LRP6: variants seen among roughly 807,000 people sequenced by gnomAD.
LRP6 encodes LDL receptor related protein 6, also known as low-density lipoprotein receptor-related protein 6.
In LRP6, 43 loss-of-function variants were observed where a neutral mutation model predicts 184.1. The observed-to-expected ratio is 0.23, with a 90% CI of 0.18 to 0.30. The LOEUF is 0.30. LRP6 is among the 10% of genes least tolerant of loss of function. The pLI is 1.00. For missense variants in LRP6, 1,571 were observed against 2,005.3 expected (o/e 0.78, Z 4.14); for synonymous variants, 719 against 684.9 (o/e 1.05, Z -0.78).
Position 12,168,370 on chromosome 12 carries a change from A to G in LRP6, c.1546-3075T>C, listed in dbSNP as rs76069029. 5.3e-3 allele frequency among the ~76,000 whole-genome samples: 807 copies of G among 152,350 alleles called. 7 individuals are homozygous for G. The highest frequency in any genetic ancestry group is 0.018 in the African/African-American group (755 of 41,576). ...AGAATTAGAATTTTGACAAAGAAAA[A>G]GAGAAACAGATTTTCTAGAAAAAAA... is the stretch of plus-strand genomic sequence containing the variant. On this transcript the variant is annotated intron_variant, in intron 7 of 22. Transcript: ENST00000261349.
At chr12:12,152,404 A>G (rs1338234108) in intron 12 of LRP6, among the ~76,000 whole-genome samples, 1 of 152,128 alleles carries the variant, frequency 6.6e-6, no homozygotes, top group East Asian at 1.9e-4. Flanking sequence ...CTCCTGCCTC[A>G]GCCTCCCAAG....
At chr12:12,218,469 CCT>C (rs763867684) in intron 2 of LRP6, among the ~76,000 whole-genome samples, 4 of 129,710 alleles carry the variant, frequency 3.1e-5, no homozygotes, top group Non-Finnish European at 6.4e-5. Context: ...AGACCAAGAC[CCT>C]CTCTCAATAA....
At position 12,259,166 on chromosome 12, in the gene LRP6, G is replaced by A. The variant is rs539551734; in HGVS notation, c.55+7515C>T. Among the ~76,000 whole-genome samples the A allele has an allele frequency of 1.7e-4, 25 of 150,176 alleles. 1 individual carries two copies. Among genetic ancestry groups the A allele is most frequent in the African/African-American group, 5.9e-4 (24 of 40,796 alleles). ...TAATCCCAGCTACTTGGGAGGCTGA[G>A]ACAGGAGAATCACTTGAACCCAGGA... On this transcript the variant is annotated intron_variant, in intron 1 of 22. Transcript: ENST00000261349.
rs377329410 is a variant in LRP6 at position 12,226,433 on chromosome 12, CG to C, written c.449+17828del. Among the ~76,000 whole-genome samples, 13 of 151,996 alleles carry C rather than the reference CG, an allele frequency of 8.6e-5. No homozygotes were observed. The East Asian group carries it at 2.5e-3, about 29-fold the overall frequency. On this transcript the variant is annotated intron_variant, in intron 2 of 22. Coordinates refer to ENST00000261349, the MANE Select transcript of LRP6 (RefSeq NM_002336.3). ...ATGATTCATATGCTAAGGATGCTAA[CG>C]GGAAAAAACAGACAACATGGAAGAA...
chr12:12,171,742 T>C (rs988565143), intron 7 of LRP6, among the ~76,000 whole-genome samples: 2 of 152,182 alleles, frequency 1.3e-5, no homozygotes, highest in African/African-American at 4.8e-5. Context: ...TTTCCTTCCA[T>C]TACTTTTGTA....
At chr12:12,245,410 C>T (rs999804504) in intron 1 of LRP6, among the ~76,000 whole-genome samples, 3 of 152,044 alleles carry the variant, frequency 2.0e-5, no homozygotes, top group Non-Finnish European at 4.4e-5. Flanking sequence ...CAATGGCTGT[C>T]TCAAAATAGG....
Position 12,168,254 on chromosome 12 carries a change from C to T in LRP6, c.1546-2959G>A, listed in dbSNP as rs553850448. Among the ~76,000 whole-genome samples, 13 of 151,912 alleles carry T rather than the reference C, an allele frequency of 8.6e-5. No homozygotes were observed. In the South Asian group the frequency reaches 1.2e-3, roughly 15 times the overall value. On this transcript the variant is annotated intron_variant, in intron 7 of 22. Transcript: ENST00000261349. ...ATTACAATCTAATTGGGGAGGTAAA[C>T]GATATTTACATTAAAATTACACACA... is the stretch of plus-strand genomic sequence containing the variant.
rs754644371 is a variant in LRP6 at position 12,181,152 on chromosome 12, T to C, written c.1264A>G (p.Thr422Ala). The change falls in exon 6 of 23, where the codon ACT becomes GCT. Residue 422 changes from threonine (T) to alanine (A), a missense_variant. Thr to Ala is a moderately conservative substitution (Grantham distance 58, BLOSUM62 0). This residue lies in a region of LRP6 where 640 missense variants were observed against 851.9 expected (regional missense o/e 0.75). Transcript: ENST00000261349. Reference sequence around the variant, plus strand: ...GTCACTTCTATTCGATCAGTGCCAGTGTCTGTCCAATAAAGATTTCGTGCA... The same window carrying C: ...GTCACTTCTATTCGATCAGTGCCAGCGTCTGTCCAATAAAGATTTCGTGCA... The part of the protein sequence containing the change: ...WVARNLYWTD[T>A]GTDRIEVTRL... The C allele has an allele frequency of 1.1e-5, 18 of 1,614,044 alleles. No homozygotes were observed. Among genetic ancestry groups the C allele is most frequent in the Non-Finnish European group, 7.6e-6 (9 of 1,180,012 alleles).
rs952494373 is a variant in LRP6 at position 12,136,487 on chromosome 12, G to A, written c.3608-1187C>T. On this transcript the variant is annotated intron_variant, in intron 16 of 22. Coordinates refer to ENST00000261349, the MANE Select transcript of LRP6 (RefSeq NM_002336.3). ...TCTAACTTCCTCATACATGGGCTAA[G>A]TAAAGAAACCACTAGGCAACTTTTC... Among the ~76,000 whole-genome samples the A allele has an allele frequency of 5.3e-5, 8 of 152,156 alleles. No individual in the cohort carries two copies. In the South Asian group the frequency reaches 1.7e-3, roughly 32 times the overall value.
chr12:12,234,795 C>T (rs937786942), intron 2 of LRP6, among the ~76,000 whole-genome samples: 1 of 151,374 alleles, frequency 6.6e-6, no homozygotes, highest in African/African-American at 2.4e-5. Context: ...GGTGCCACTG[C>T]ACTCTGGGCG....
intron 16 of LRP6, among the ~76,000 whole-genome samples, chr12:12,136,422 T>G (rs1019099307): frequency 3.3e-5 from 5 of 152,230 alleles, no homozygotes; most frequent in Admixed American, 2.6e-4. Context: ...AACAAAATTA[T>G]TTGGTCAACT....
chr12:12,135,901 G>A (rs1455658435), intron 16 of LRP6, among the ~76,000 whole-genome samples: 1 of 152,098 alleles, frequency 6.6e-6, no homozygotes, highest in East Asian at 1.9e-4. Context: ...TTGCTAGGGA[G>A]AGGCCGGGTG....
Position 12,201,847 on chromosome 12 carries a change from T to G in LRP6, c.647+1356A>C, listed in dbSNP as rs537113019. On this transcript the variant is annotated intron_variant, in intron 3 of 22. Coordinates refer to ENST00000261349, the MANE Select transcript of LRP6 (RefSeq NM_002336.3). ...ACCACATTGTTATATGTCATTTCAC[T>G]CTTTTTTGAAAGAAGGCAAAAAATA... Among the ~76,000 whole-genome samples, 30 of 152,336 alleles carry G rather than the reference T, an allele frequency of 2.0e-4. 1 individual carries two copies. Among genetic ancestry groups the G allele is most frequent in the African/African-American group, 7.2e-4 (30 of 41,574 alleles).
intron 7 of LRP6, among the ~76,000 whole-genome samples, chr12:12,169,940 T>C (rs1337463901): frequency 6.6e-6 from 1 of 152,010 alleles, no homozygotes; most frequent in African/African-American, 2.4e-5. Flanking sequence ...TTACAATAGG[T>C]TTGGATCTAA....
intron 12 of LRP6, among the ~76,000 whole-genome samples, chr12:12,153,290 A>G (rs1056732932): frequency 1.6e-4 from 25 of 152,160 alleles, no homozygotes; most frequent in Non-Finnish European, 3.5e-4. Flanking sequence ...GGAGTTCAAG[A>G]CCAGCCTGAA....
intron 3 of LRP6, among the ~76,000 whole-genome samples, chr12:12,192,927 C>T (rs1863654122): frequency 6.6e-6 from 1 of 152,014 alleles, no homozygotes; most frequent in African/African-American, 2.4e-5. Flanking sequence ...AAAGAATACA[C>T]AATCTTTTCA....
rs1949559780 is a variant in LRP6 at position 12,119,159 on chromosome 12, T to C, written c.*1967A>G. ...CCATTTGCTTATATGCAAAATCAAG[T>C]GCACCTGATTCTTACAGTCTCCAAC... On this transcript the variant is annotated 3_prime_UTR_variant, in exon 23 of 23. Transcript: ENST00000261349. 6.6e-6 allele frequency: 1 copy of C among 152,202 alleles called. No individual in the cohort carries two copies. The highest frequency in any genetic ancestry group is 1.5e-5 in the Non-Finnish European group (1 of 68,034). The allele number at this position is 152,202 out of a possible 1,614,324, so 9.4% of individuals were successfully genotyped here. A position where few individuals can be genotyped will look rare whatever the true frequency, so the allele number is the denominator to read the frequency against.
Position 12,206,396 on chromosome 12 carries a change from A to G in LRP6, c.450-2996T>C, listed in dbSNP as rs182499767. ...TCTCTATTAAAAATACAAAAAAATTAGCCAGGCGTGGTGGCAGATGCCTAT... is the reference window on the plus strand; with the variant it reads ...TCTCTATTAAAAATACAAAAAAATTGGCCAGGCGTGGTGGCAGATGCCTAT... On this transcript the variant is annotated intron_variant, in intron 2 of 22. Coordinates refer to ENST00000261349, the MANE Select transcript of LRP6 (RefSeq NM_002336.3). Among the ~76,000 whole-genome samples, 140 of 152,266 alleles carry G rather than the reference A, an allele frequency of 9.2e-4. 1 individual carries two copies. The highest frequency in any genetic ancestry group is 3.3e-3 in the African/African-American group (138 of 41,546).
intron 2 of LRP6, among the ~76,000 whole-genome samples, chr12:12,213,351 G>C (rs1253232185): frequency 1.3e-5 from 2 of 151,822 alleles, no homozygotes; most frequent in Non-Finnish European, 2.9e-5. Context: ...AATCCTTTTA[G>C]AGACAAAGTA....
Sources: gnomAD v4.1 joint callset for allele counts (sites outside exome capture counted in the v4.1 genomes callset) on GRCh38, gnomAD v4.1.1 for gene constraint, gnomAD v4.1.1 regional missense constraint, MANE v1.5 for transcripts, NCBI Gene and HGNC (gene_info 2026-07-23, HGNC 2026-07-21) for gene names.